The following LYRM4 variants were observed in gnomAD, a reference collection of about 807,000 sequenced individuals.
LYRM4 encodes the protein LYR motif-containing protein 4.
In LYRM4, 9 loss-of-function variants were observed where a neutral mutation model predicts 11.7. The observed-to-expected ratio is 0.77, with a 90% CI of 0.46 to 1.34. LYRM4 has a LOEUF of 1.34. Ranked by LOEUF, LYRM4 falls within the 40% of genes most tolerant of loss-of-function variation. The pLI, the probability that LYRM4 is intolerant of heterozygous loss-of-function variation, is 0.00. For synonymous variants in LYRM4, 42 were observed against 40.4 expected (o/e 1.04, Z -0.15); for missense variants, 133 against 112.5 (o/e 1.18, Z -0.82).
intron 2 of LYRM4, among the ~76,000 whole-genome samples, chr6:5,151,005 T>C (rs533375818): frequency 3.9e-5 from 6 of 152,250 alleles, no homozygotes; most frequent in African/African-American, 1.4e-4. Flanking sequence ...TCTCATGGCA[T>C]GGCTAGAAGT....
At chr6:5,140,058 A>T (rs1452664549) in intron 2 of LYRM4, among the ~76,000 whole-genome samples, 2 of 151,284 alleles carry the variant, frequency 1.3e-5, no homozygotes, top group Admixed American at 1.3e-4. Context: ...ACATGGTGAG[A>T]CCCTGTCCTC....
chr6:5,086,079 G>A, the LYRM4 span: 2 of 1,468,600 alleles, frequency 1.4e-6, no homozygotes, highest in Non-Finnish European at 1.8e-6. Flanking sequence ...CCCGGCTCCG[G>A]CCGCTCTTCC....
chr6:5,157,842 A>C lies in LYRM4; in HGVS notation c.208-48351T>G, dbSNP rs374029342. On this transcript the variant is annotated intron_variant, in intron 2 of 2. Transcript: ENST00000330636. Reference sequence around the variant, plus strand: ...AGTGCCTGAGCCAGAGTAGGGTAACATGAATTGGATTTTCATCAAGCCTGT... The same window carrying C: ...AGTGCCTGAGCCAGAGTAGGGTAACCTGAATTGGATTTTCATCAAGCCTGT... 8.7e-4 allele frequency among the ~76,000 whole-genome samples: 132 copies of C among 152,358 alleles called. 3 individuals carry two copies. The highest frequency in any genetic ancestry group is 3.1e-3 in the African/African-American group (127 of 41,594).
intron 2 of LYRM4, among the ~76,000 whole-genome samples, chr6:5,170,359 G>T (rs1759353031): frequency 6.6e-6 from 1 of 151,574 alleles, no homozygotes; most frequent in Non-Finnish European, 1.5e-5. Context: ...AATTGTGTGT[G>T]TATGTGCACA....
At position 5,188,571 on chromosome 6, in the gene LYRM4, G is replaced by A. The variant is rs190610286; in HGVS notation, c.207+28047C>T. 2.1e-3 allele frequency among the ~76,000 whole-genome samples: 327 copies of A among 152,148 alleles called. 2 individuals are homozygous for A. Among genetic ancestry groups the A allele is most frequent in the African/African-American group, 6.8e-3 (284 of 41,518 alleles). On this transcript the variant is annotated intron_variant, in intron 2 of 2. Coordinates refer to ENST00000330636, the MANE Select transcript of LYRM4 (RefSeq NM_020408.6). ...ATATCAAGTACTGATTAAGAGCTTC[G>A]GATCTTAGTCTGAGTGATCTGGGTG...
intron 2 of LYRM4, among the ~76,000 whole-genome samples, chr6:5,169,995 AC>A (rs1759326830): frequency 6.6e-6 from 1 of 151,580 alleles, no homozygotes; most frequent in Admixed American, 6.6e-5. Flanking sequence ...CACGCAGACA[AC>A]AACTGGGCAG....
chr6:5,241,017 C>T (rs566694976), intron 1 of LYRM4, among the ~76,000 whole-genome samples: 39 of 152,298 alleles, frequency 2.6e-4, no homozygotes, highest in African/African-American at 8.9e-4. Context: ...GTTAAGCTGG[C>T]TCCATACCAA....
chr6:5,172,514 A>G (rs1242784379), intron 2 of LYRM4, among the ~76,000 whole-genome samples: 1 of 152,062 alleles, frequency 6.6e-6, no homozygotes, highest in Non-Finnish European at 1.5e-5. Flanking sequence ...AGATGCCCTA[A>G]GGAAAGCTCT....
chr6:5,113,547 A>G (rs928616367), intron 2 of LYRM4: 8 of 272,366 alleles, frequency 2.9e-5, no homozygotes, highest in Non-Finnish European at 5.1e-5. Flanking sequence ...CAAGTTCAAG[A>G]CTGCTGCAGG....
chr6:5,085,320 G>T, the LYRM4 span: 2 of 552,884 alleles, frequency 3.6e-6, no homozygotes, highest in Non-Finnish European at 6.2e-6. Flanking sequence ...GCTAAAAGCC[G>T]GAGGCTCCAA....
intron 2 of LYRM4, among the ~76,000 whole-genome samples, chr6:5,161,116 T>C (rs942318531): frequency 6.6e-6 from 1 of 152,204 alleles, no homozygotes; most frequent in African/African-American, 2.4e-5. Context: ...ATTGCTAAGT[T>C]ACAGAATTAT....
At chr6:5,064,887 T>C in the LYRM4 span, among the ~76,000 whole-genome samples, 2 of 152,144 alleles carry the variant, frequency 1.3e-5, no homozygotes, top group African/African-American at 2.4e-5. Flanking sequence ...GGATACGTTA[T>C]TTTAAACTAA....
chr6:5,100,482 C>G (rs927949669), downstream of LYRM4, among the ~76,000 whole-genome samples: 1 of 152,016 alleles, frequency 6.6e-6, no homozygotes, highest in Non-Finnish European at 1.5e-5. Context: ...AGCAAGAATC[C>G]CAGACAGAAA....
downstream of LYRM4, among the ~76,000 whole-genome samples, chr6:5,101,834 C>T (rs1001325110): frequency 1.8e-4 from 27 of 152,086 alleles, no homozygotes; most frequent in African/African-American, 6.5e-4. Context: ...TTCACTCTGT[C>T]CCCTAGCCTA....
At chr6:5,224,431 C>T (rs36007403) in intron 1 of LYRM4, among the ~76,000 whole-genome samples, 7,475 of 152,200 alleles carry the variant, frequency 0.049, 601 homozygotes, top group African/African-American at 0.16. Flanking sequence ...GGTGTGAGCA[C>T]GGACTGGTAC....
intron 2 of LYRM4, among the ~76,000 whole-genome samples, chr6:5,179,902 C>T (rs761292420): frequency 3.3e-5 from 5 of 152,190 alleles, no homozygotes; most frequent in Non-Finnish European, 5.9e-5. Flanking sequence ...TAGACTATGG[C>T]TCTGCTTATC....
the LYRM4 span, among the ~76,000 whole-genome samples, chr6:5,046,961 C>A: frequency 6.6e-6 from 1 of 152,098 alleles, no homozygotes; most frequent in Non-Finnish European, 1.5e-5. Flanking sequence ...CATGTTGGCA[C>A]ACCTCTGTGG....
chr6:5,126,671 T>C (rs1581329396), intron 2 of LYRM4, among the ~76,000 whole-genome samples: 1 of 152,364 alleles, frequency 6.6e-6, no homozygotes, highest in South Asian at 2.1e-4. Context: ...GAAGTTCAGA[T>C]ACATGCTACA....
chr6:5,102,181 T>C (rs1052928107), downstream of LYRM4, among the ~76,000 whole-genome samples: 2 of 151,960 alleles, frequency 1.3e-5, no homozygotes, highest in Non-Finnish European at 2.9e-5. Flanking sequence ...CTTCTATTTA[T>C]ACAGAACCAC....
Sources: allele counts gnomAD v4.1 joint callset (sites outside exome capture counted in the v4.1 genomes callset), GRCh38; gene constraint gnomAD v4.1.1; transcripts MANE v1.5; gene names NCBI Gene and HGNC (gene_info 2026-07-23, HGNC 2026-07-21).